TUBGCP3: variants seen among roughly 807,000 people sequenced by gnomAD.
TUBGCP3 encodes gamma-tubulin complex component 3.
Under a neutral mutation model 123.1 loss-of-function variants are expected in TUBGCP3, and 50 were observed. The ratio of observed to expected loss-of-function variants is 0.41; its 90% CI spans 0.32 to 0.51. The LOEUF is 0.51. Ranked by LOEUF, TUBGCP3 falls within the 20% of genes least tolerant of loss-of-function variation. The pLI, the probability that TUBGCP3 is intolerant of heterozygous loss-of-function variation, is 0.36. For synonymous variants in TUBGCP3, 405 were observed against 413.9 expected (o/e 0.98, Z 0.26); for missense variants, 882 against 1,127.0 (o/e 0.78, Z 3.11).
chr13:112,596,067 C>G, the TUBGCP3 span, among the ~76,000 whole-genome samples: 1 of 152,122 alleles, frequency 6.6e-6, no homozygotes, highest in Non-Finnish European at 1.5e-5. Flanking sequence ...CCTTTTATGT[C>G]CCTTTACATT....
At chr13:112,602,726 C>T in the TUBGCP3 span, 2 of 152,090 alleles carry the variant, frequency 1.3e-5, no homozygotes, top group Non-Finnish European at 2.9e-5. Flanking sequence ...TTCATTTTAC[C>T]GAACGTTAGC....
the TUBGCP3 span, among the ~76,000 whole-genome samples, chr13:112,599,487 C>T: frequency 6.6e-6 from 1 of 151,848 alleles, no homozygotes; most frequent in Admixed American, 6.6e-5. Context: ...TAATCTAAAA[C>T]TACTTTGCTA....
chr13:112,520,875 T>G (rs1029279679), intron 14 of TUBGCP3, among the ~76,000 whole-genome samples: 1 of 152,108 alleles, frequency 6.6e-6, no homozygotes, highest in Admixed American at 6.5e-5. Flanking sequence ...ACGTGTAAGC[T>G]CTACAAAACA....
chr13:112,498,049 CATGT>C (rs757346274), intron 20 of TUBGCP3, among the ~76,000 whole-genome samples: 1 of 152,058 alleles, frequency 6.6e-6, no homozygotes, highest in Non-Finnish European at 1.5e-5. Context: ...CACACACATG[CATGT>C]ACCTGTAAAC....
rs1882618059 is a variant in TUBGCP3, at chr13:112,586,476, C to T, written c.76+1429G>A. 2.0e-5 allele frequency among the ~76,000 whole-genome samples: 3 copies of T among 152,168 alleles called. No individual in the cohort carries two copies. The South Asian group carries it at 6.2e-4, about 31-fold the overall frequency. ...AACATGAAACATGTGAAAGGAAACTCAGTCTGCTAATGACAAAAACAAACG... is the reference window on the plus strand; with the variant it reads ...AACATGAAACATGTGAAAGGAAACTTAGTCTGCTAATGACAAAAACAAACG... On this transcript the variant is annotated intron_variant, in intron 1 of 21. Transcript: ENST00000261965.
chr13:112,584,755 A>C (rs1882497171), intron 1 of TUBGCP3, among the ~76,000 whole-genome samples: 1 of 152,258 alleles, frequency 6.6e-6, no homozygotes, highest in Admixed American at 6.5e-5. Flanking sequence ...AAGGATTACA[A>C]AGTAGCTATG....
chr13:112,512,393 A>C (rs1251648211), intron 17 of TUBGCP3, among the ~76,000 whole-genome samples: 4 of 139,548 alleles, frequency 2.9e-5, no homozygotes, highest in African/African-American at 1.1e-4. Flanking sequence ...ACACCACTGT[A>C]CTCCAGCCTG....
At chr13:112,491,138 G>A (rs950493287) in intron 20 of TUBGCP3, among the ~76,000 whole-genome samples, 3 of 152,132 alleles carry the variant, frequency 2.0e-5, no homozygotes, top group East Asian at 1.9e-4. Flanking sequence ...CTTTGTTTCC[G>A]ATTCACTGAT....
chr13:112,503,126 G>A (rs1024973223), intron 19 of TUBGCP3, among the ~76,000 whole-genome samples: 23 of 152,072 alleles, frequency 1.5e-4, no homozygotes, highest in African/African-American at 5.1e-4. Flanking sequence ...CCTGCCAGTC[G>A]GAAACATCCG....
At chr13:112,558,164 T>C (rs746023101) in intron 5 of TUBGCP3, 32 bp downstream of exon 5, 10 of 1,580,478 alleles carry the variant, frequency 6.3e-6, no homozygotes, top group Middle Eastern at 4.6e-4. Flanking sequence ...TTCTAACACA[T>C]AGAGAATCTA....
At chr13:112,494,949 C>T (rs569125801) in intron 20 of TUBGCP3, among the ~76,000 whole-genome samples, 2 of 152,098 alleles carry the variant, frequency 1.3e-5, no homozygotes, top group Non-Finnish European at 2.9e-5. Flanking sequence ...TGTTTGGGCT[C>T]CTTATATATT....
the TUBGCP3 span, among the ~76,000 whole-genome samples, chr13:112,593,763 G>A: frequency 6.6e-6 from 1 of 152,048 alleles, no homozygotes. Flanking sequence ...AAAAGAAGTT[G>A]ATTCTAGGAA....
chr13:112,551,710 G>A (rs902050852), intron 8 of TUBGCP3, among the ~76,000 whole-genome samples: 3 of 152,068 alleles, frequency 2.0e-5, no homozygotes, highest in Non-Finnish European at 2.9e-5. Context: ...TGCAAAATGG[G>A]GACAATTAAT....
At position 112,493,264 on chromosome 13, in the gene TUBGCP3, A is replaced by C. The variant is rs375235869; in HGVS notation, c.2449-3567T>G. ...TTGGGAACAGGGCCTGGTGTGCCTGAGACGCTCTAGCTATGGGAACGAGGC... is the reference window on the plus strand; with the variant it reads ...TTGGGAACAGGGCCTGGTGTGCCTGCGACGCTCTAGCTATGGGAACGAGGC... On this transcript the variant is annotated intron_variant, in intron 20 of 21. Transcript: ENST00000261965. 4.7e-5 allele frequency among the ~76,000 whole-genome samples: 7 copies of C among 147,748 alleles called. No individual in the cohort carries two copies. The East Asian group carries it at 1.0e-3, about 22-fold the overall frequency.
In TUBGCP3 at chr13:112,519,192, T is replaced by C. The variant is rs1172011541; in HGVS notation, c.1882-149A>G. 3.0e-6 allele frequency: 2 copies of C among 662,130 alleles called. No individual in the cohort carries two copies. The highest frequency in any genetic ancestry group is 3.6e-5 in the African/African-American group (2 of 55,278). 41.0% of individuals were successfully genotyped at this position (662,130 alleles called of 1,614,324 possible). On this transcript the variant is annotated intron_variant, in intron 15 of 21. Transcript: ENST00000261965. This position sits in a 1 kb window ranked among gnomAD's most constrained non-coding sequence, Gnocchi z 6.2. ...CATCTTCTTGTTAACTTCTACAACC[T>C]CACCAATTAGGCAATAATGAGCACA...
chr13:112,548,129 C>T lies in TUBGCP3; in HGVS notation c.1014G>A (p.Leu338=). The T allele has an allele frequency of 1.9e-6, 3 of 1,601,922 alleles. No homozygotes were observed. Among genetic ancestry groups the T allele is most frequent in the Non-Finnish European group, 2.6e-6 (3 of 1,173,080 alleles). Residue 338 remains leucine (L), a synonymous_variant, in exon 9 of 22, where the codon TTG becomes TTA. Transcript: ENST00000261965. ...TTACCTGAGAATGTAAAACAGAGAG[C>T]AATCGATAGTATTCTCTGAGTTCCT... is the stretch of plus-strand genomic sequence containing the variant. ...LHQELREYYR[L]LSVLHSQLQL... is the part of the protein sequence containing the mutation.
chr13:112,590,220 C>G (rs748888335), upstream of TUBGCP3, among the ~76,000 whole-genome samples: 4 of 152,146 alleles, frequency 2.6e-5, no homozygotes, highest in Non-Finnish European at 5.9e-5. Flanking sequence ...TCGTGATGTG[C>G]CCGCCTCGGC....
intron 21 of TUBGCP3, among the ~76,000 whole-genome samples, chr13:112,488,035 G>C (rs1167576441): frequency 6.6e-6 from 1 of 151,622 alleles, no homozygotes; most frequent in East Asian, 1.9e-4. Flanking sequence ...GGGAGGCTGA[G>C]GCAGTAGCAT....
rs1881163689 is a variant in TUBGCP3 at position 112,504,620 on chromosome 13, G to A, written c.2175+6C>T. On this transcript the variant is annotated splice_donor_region_variant and intron_variant, in intron 18 of 21. Coordinates refer to ENST00000261965, the MANE Select transcript of TUBGCP3 (RefSeq NM_006322.6). The stretch of plus-strand genomic sequence containing the variant: ...AACTAAAATCAACACAATGACTGAA[G>A]TGTACCTCAAATGTGATGTAATACT... 16 of 1,611,614 alleles carry A rather than the reference G, an allele frequency of 9.9e-6. No individual in the cohort carries two copies. The East Asian group carries it at 3.6e-4, about 36-fold the overall frequency.
Sources: gnomAD v4.1 joint callset for allele counts (sites outside exome capture counted in the v4.1 genomes callset) on GRCh38, gnomAD v4.1.1 for gene constraint, Gnocchi (gnomAD v3.1) non-coding constraint, MANE v1.5 for transcripts, NCBI Gene and HGNC (gene_info 2026-07-23, HGNC 2026-07-21) for gene names.